The following GABRR2 variants were observed in gnomAD, a reference collection of about 807,000 sequenced individuals.
GABRR2 encodes the protein gamma-aminobutyric acid type A receptor subunit rho2.
GABRR2 carries 36 observed loss-of-function variants against 47.0 expected under a neutral mutation model. The ratio of observed to expected loss-of-function variants is 0.77; its 90% CI spans 0.59 to 1.01. GABRR2 has a LOEUF of 1.01. Ranked by LOEUF, GABRR2 falls within the 50% of genes least tolerant of loss-of-function variation. GABRR2 has a pLI of 0.00. For missense variants in GABRR2, 587 were observed against 594.6 expected (o/e 0.99, Z 0.13); for synonymous variants, 204 against 227.5 (o/e 0.90, Z 0.93).
intron 7 of GABRR2, 87 bp from the exon 8 acceptor site, chr6:89,264,695 C>A: frequency 6.7e-7 from 1 of 1,489,020 alleles, no homozygotes; most frequent in Non-Finnish European, 9.2e-7. Flanking sequence ...CACTCTCTAT[C>A]TCTTAAACCA....
chr6:89,290,969 T>C (rs1165124116), intron 2 of GABRR2, among the ~76,000 whole-genome samples: 1 of 152,194 alleles, frequency 6.6e-6, no homozygotes, highest in African/African-American at 2.4e-5. Flanking sequence ...TACTTTCCCT[T>C]GACCCTGCCC....
intron 2 of GABRR2, among the ~76,000 whole-genome samples, chr6:89,275,345 C>T (rs576173172): frequency 1.4e-4 from 22 of 152,274 alleles, no homozygotes; most frequent in African/African-American, 4.3e-4. Flanking sequence ...ATGATCTCGG[C>T]TCACTGCAAC....
intron 1 of GABRR2, among the ~76,000 whole-genome samples, chr6:89,313,462 A>G (rs1767711118): frequency 6.6e-6 from 1 of 152,100 alleles, no homozygotes; most frequent in South Asian, 2.1e-4. Flanking sequence ...ACGTTTCCCA[A>G]AATTAGAGTT....
Position 89,271,675 on chromosome 6 carries a change from T to C in GABRR2, c.268A>G (p.Ser90Gly). The part of the protein sequence containing the change: ...GVDVQVESLD[S>G]ISEVDMDFTM... ...CATACCATGTCCACCTCGGAGATGC[T>C]GTCCAGGCTCTCCACCTGTACGTCC... The change falls in exon 3 of 9, where the codon AGC becomes GGC. Residue 90 changes from serine to glycine, a missense_variant. Ser to Gly is a moderately conservative substitution (Grantham distance 56). Coordinates refer to ENST00000402938, the MANE Select transcript of GABRR2 (RefSeq NM_002043.5). 6.2e-7 allele frequency: 1 copy of C among 1,612,316 alleles called. No individual in the cohort carries two copies.
chr6:89,294,427 T>G (rs1774522146), intron 2 of GABRR2, among the ~76,000 whole-genome samples: 1 of 152,214 alleles, frequency 6.6e-6, no homozygotes, highest in South Asian at 2.1e-4. Context: ...ATTACAGGCA[T>G]GAGCCACCAC....
intron 2 of GABRR2, among the ~76,000 whole-genome samples, chr6:89,273,906 G>A (rs1774109172): frequency 1.3e-5 from 2 of 152,212 alleles, no homozygotes; most frequent in South Asian, 2.1e-4. Context: ...AGTGCCAGGT[G>A]ACCTGCTGGA....
chr6:89,275,237 T>C (rs1031500954), intron 2 of GABRR2, among the ~76,000 whole-genome samples: 7 of 152,194 alleles, frequency 4.6e-5, no homozygotes, highest in Non-Finnish European at 1.0e-4. Flanking sequence ...AACATTTCTA[T>C]TGAAAATTTA....
At chr6:89,284,778 G>C (rs1484562742) in intron 2 of GABRR2, among the ~76,000 whole-genome samples, 1 of 152,192 alleles carries the variant, frequency 6.6e-6, no homozygotes, top group African/African-American at 2.4e-5. Context: ...CATCTGTGTT[G>C]TGTTGTCTCC....
At chr6:89,291,665 G>C (rs2127844014) in intron 2 of GABRR2, among the ~76,000 whole-genome samples, 1 of 152,134 alleles carries the variant, frequency 6.6e-6, no homozygotes, top group South Asian at 2.1e-4. Flanking sequence ...TCTCCTCTCG[G>C]GGCAGAACTG....
chr6:89,311,671 G>T (rs548654797), intron 1 of GABRR2, among the ~76,000 whole-genome samples: 45 of 152,226 alleles, frequency 3.0e-4, no homozygotes, highest in Admixed American at 1.1e-3. Context: ...TGGTTTTTTG[G>T]CAATAACAGC....
intron 7 of GABRR2, 121 bp downstream of exon 7, chr6:89,265,492 C>A: frequency 1.8e-6 from 2 of 1,088,792 alleles, no homozygotes; most frequent in East Asian, 2.7e-5. Flanking sequence ...CATGAAGTTG[C>A]TCCTTCTGAC....
chr6:89,288,078 A>T (rs1035471598), intron 2 of GABRR2, among the ~76,000 whole-genome samples: 7 of 152,206 alleles, frequency 4.6e-5, no homozygotes, highest in African/African-American at 1.7e-4. Context: ...TTCTCCTAGC[A>T]AGAGATGAGG....
At chr6:89,258,353 T>C (rs1371667443) in intron 8 of GABRR2, among the ~76,000 whole-genome samples, 1 of 152,098 alleles carries the variant, frequency 6.6e-6, no homozygotes. Context: ...AGAGCAGGAC[T>C]CTAAATCCAC....
chr6:89,281,509 A>G (rs141954559), intron 2 of GABRR2, among the ~76,000 whole-genome samples: 235 of 152,264 alleles, frequency 1.5e-3, no homozygotes, highest in East Asian at 9.8e-3. Context: ...TGTGATGAGC[A>G]TAAGTGTAGT....
intron 8 of GABRR2, among the ~76,000 whole-genome samples, chr6:89,259,921 T>C (rs1190565256): frequency 1.3e-5 from 2 of 150,600 alleles, no homozygotes; most frequent in Admixed American, 1.3e-4. Flanking sequence ...TTTTTTGTTT[T>C]TTAGACAGGG....
At chr6:89,272,758 G>C (rs893468450) in intron 2 of GABRR2, among the ~76,000 whole-genome samples, 1 of 152,188 alleles carries the variant, frequency 6.6e-6, no homozygotes, top group Non-Finnish European at 1.5e-5. Context: ...GGAGAACCTT[G>C]GGGGGACTTG....
At position 89,271,201 on chromosome 6, in the gene GABRR2, C is replaced by T. The variant is rs117327305; in HGVS notation, c.288+454G>A. 9.1e-3 allele frequency among the ~76,000 whole-genome samples: 1,387 copies of T among 152,244 alleles called. 10 individuals carry two copies. The highest frequency in any genetic ancestry group is 0.017 in the Middle Eastern group (5 of 294). On this transcript the variant is annotated intron_variant, in intron 3 of 8. Coordinates refer to ENST00000402938, the MANE Select transcript of GABRR2 (RefSeq NM_002043.5). The stretch of plus-strand genomic sequence containing the variant: ...TCTCCACTGTGAGCCTTGCAGGACA[C>T]CCAGGCCTGTGGTGGTAGAATTGGG...
At chr6:89,293,781 T>C (rs1187736901) in intron 2 of GABRR2, among the ~76,000 whole-genome samples, 1 of 152,064 alleles carries the variant, frequency 6.6e-6, no homozygotes, top group Non-Finnish European at 1.5e-5. Flanking sequence ...AGCGAGACCA[T>C]GTCTCAGATA....
intron 1 of GABRR2, among the ~76,000 whole-genome samples, chr6:89,312,868 CACCT>C (rs1767703023): frequency 6.6e-6 from 1 of 152,148 alleles, no homozygotes; most frequent in South Asian, 2.1e-4. Context: ...CCCACTTTAA[CACCT>C]CATGGGCTGG....
Sources: gnomAD v4.1 joint callset for allele counts (sites outside exome capture counted in the v4.1 genomes callset) on GRCh38, gnomAD v4.1.1 for gene constraint, MANE v1.5 for transcripts, NCBI Gene and HGNC (gene_info 2026-07-23, HGNC 2026-07-21) for gene names.